Variants in GPHN observed in about 807,000 individuals in gnomAD.
GPHN encodes gephyrin.
A neutral mutation model predicts 95.5 loss-of-function variants in GPHN; 17 were observed. The ratio of observed to expected loss-of-function variants is 0.18; its 90% CI spans 0.12 to 0.27. The LOEUF (loss-of-function observed/expected upper bound fraction) is 0.27, where lower values mean the gene tolerates loss of function less well. Among genes scored for constraint, GPHN ranks in the 10% least tolerant of loss-of-function variants. The pLI is 1.00. For missense variants in GPHN, 660 were observed against 978.1 expected (o/e 0.67, Z 4.34); for synonymous variants, 320 against 322.5 (o/e 0.99, Z 0.08).
intron 1 of GPHN, among the ~76,000 whole-genome samples, chr14:66,665,333 T>A (rs2065888857): frequency 1.3e-5 from 2 of 151,992 alleles, no homozygotes; most frequent in Admixed American, 6.6e-5. Context: ...TGGGAGAAAA[T>A]TTTTGCAATC....
intron 1 of GPHN, among the ~76,000 whole-genome samples, chr14:66,513,750 C>T (rs533859731): frequency 3.3e-5 from 5 of 151,620 alleles, no homozygotes; most frequent in Non-Finnish European, 5.9e-5. Context: ...TTTTGAGTGA[C>T]CTCTCAAAAA....
At chr14:66,885,524 G>A (rs979840736) in intron 5 of GPHN, among the ~76,000 whole-genome samples, 1 of 152,106 alleles carries the variant, frequency 6.6e-6, no homozygotes, top group Non-Finnish European at 1.5e-5. Context: ...GGGGATCCAG[G>A]TTCTATTGTG....
chr14:67,203,375 A>G, the GPHN span: 1 of 1,177,852 alleles, frequency 8.5e-7, no homozygotes, highest in Non-Finnish European at 1.2e-6. Context: ...AACACTGATG[A>G]CAATTGCGCC....
chr14:67,205,223 A>G, the GPHN span: 2 of 864,402 alleles, frequency 2.3e-6, no homozygotes, highest in Non-Finnish European at 3.4e-6. Flanking sequence ...CCTAATTTTA[A>G]TAGTGAGATT....
chr14:66,818,470 T>C (rs2061066298), intron 3 of GPHN, among the ~76,000 whole-genome samples: 1 of 152,282 alleles, frequency 6.6e-6, no homozygotes, highest in South Asian at 2.1e-4. Context: ...GCATGGAGCA[T>C]AGGTACCACA....
At chr14:66,549,239 G>T (rs2059726761) in intron 1 of GPHN, among the ~76,000 whole-genome samples, 1 of 152,034 alleles carries the variant, frequency 6.6e-6, no homozygotes, top group Non-Finnish European at 1.5e-5. Context: ...ACAGGGGGTT[G>T]GTGAACAGAT....
the GPHN span, among the ~76,000 whole-genome samples, chr14:67,273,679 A>G: frequency 0.032 from 4,804 of 152,234 alleles, 92 homozygotes; most frequent in Non-Finnish European, 0.036. Flanking sequence ...CTAGTTCTAG[A>G]TCTCTGAGGA....
intron 9 of GPHN, among the ~76,000 whole-genome samples, chr14:67,020,620 T>G (rs1354030141): frequency 6.6e-6 from 1 of 152,168 alleles, no homozygotes; most frequent in African/African-American, 2.4e-5. Context: ...TCTTGATTAG[T>G]AAATGAATAT....
chr14:67,555,436 A>G, the GPHN span, among the ~76,000 whole-genome samples: 1 of 152,164 alleles, frequency 6.6e-6, no homozygotes, highest in East Asian at 1.9e-4. Flanking sequence ...TGGGAGCAGC[A>G]GCATGGCCCC....
the GPHN span, chr14:67,352,730 T>C: frequency 2.0e-6 from 1 of 500,026 alleles, no homozygotes; most frequent in Non-Finnish European, 3.5e-6. Flanking sequence ...AAGTGGAGCT[T>C]TGCAGGCAAG....
At chr14:66,813,202 T>C (rs757934418) in intron 3 of GPHN, among the ~76,000 whole-genome samples, 4 of 152,182 alleles carry the variant, frequency 2.6e-5, no homozygotes, top group Non-Finnish European at 4.4e-5. Flanking sequence ...TTAATAACTT[T>C]TATAATTATT....
At chr14:66,868,711 T>G (rs1246417565) in intron 4 of GPHN, among the ~76,000 whole-genome samples, 1 of 152,142 alleles carries the variant, frequency 6.6e-6, no homozygotes, top group African/African-American at 2.4e-5. Flanking sequence ...CTGTACATTT[T>G]TAAACATCAT....
At chr14:66,554,640 A>G (rs755722630) in intron 1 of GPHN, among the ~76,000 whole-genome samples, 3 of 152,220 alleles carry the variant, frequency 2.0e-5, no homozygotes, top group Non-Finnish European at 2.9e-5. Flanking sequence ...ACTTCCCAAC[A>G]GTTTCCTCCC....
At chr14:66,929,782 G>T (rs2066683072) in intron 8 of GPHN, among the ~76,000 whole-genome samples, 1 of 151,596 alleles carries the variant, frequency 6.6e-6, no homozygotes, top group Non-Finnish European at 1.5e-5. Flanking sequence ...CGCTATCTTG[G>T]CTCACTGCAG....
intron 2 of GPHN, 94 bp from the exon 3 acceptor site, chr14:66,776,370 T>G: frequency 1.2e-6 from 1 of 809,654 alleles, no homozygotes; most frequent in South Asian, 1.3e-5. Context: ...ATACTGGGAG[T>G]TATTGGTAGC....
At chr14:67,463,136 C>T in the GPHN span, among the ~76,000 whole-genome samples, 3 of 152,292 alleles carry the variant, frequency 2.0e-5, no homozygotes, top group African/African-American at 7.2e-5. Flanking sequence ...AGGCAATGCC[C>T]AACTGGACAT....
At chr14:66,868,637 G>A (rs545099905) in intron 4 of GPHN, among the ~76,000 whole-genome samples, 4 of 152,094 alleles carry the variant, frequency 2.6e-5, no homozygotes, top group Non-Finnish European at 4.4e-5. Context: ...CAAGTGATCC[G>A]CCCACCTTGG....
chr14:67,726,084 C>A, the GPHN span: 3 of 1,613,818 alleles, frequency 1.9e-6, no homozygotes, highest in Non-Finnish European at 2.5e-6. Flanking sequence ...ATCAACAATG[C>A]GGGAGTAATG....
chr14:67,473,947 G>A, the GPHN span: 5 of 1,581,526 alleles, frequency 3.2e-6, no homozygotes, highest in South Asian at 5.8e-5. This position sits in a 1 kb window ranked among gnomAD's most constrained non-coding sequence, Gnocchi z 6.5. Flanking sequence ...GCTGGCTGCG[G>A]GGGGCGCAAG....
Sources: gnomAD v4.1 joint callset for allele counts (sites outside exome capture counted in the v4.1 genomes callset) on GRCh38, gnomAD v4.1.1 for gene constraint, Gnocchi (gnomAD v3.1) non-coding constraint, MANE v1.5 for transcripts, NCBI Gene and HGNC (gene_info 2026-07-23, HGNC 2026-07-21) for gene names.